Variants in SEMA3E observed in about 807,000 individuals in gnomAD.
SEMA3E encodes the protein semaphorin 3E, also known as semaphorin-3E.
SEMA3E carries 49 observed loss-of-function variants against 93.6 expected under a neutral mutation model. The observed-to-expected ratio is 0.52, with a 90% CI of 0.42 to 0.66. The LOEUF (loss-of-function observed/expected upper bound fraction) is 0.66, where lower values mean the gene tolerates loss of function less well. Among genes scored for constraint, SEMA3E ranks in the 30% least tolerant of loss-of-function variants. The pLI is 0.00. For synonymous variants in SEMA3E, 363 were observed against 330.7 expected (o/e 1.10, Z -1.06); for missense variants, 906 against 964.8 (o/e 0.94, Z 0.81).
chr7:83,513,370 A>G (rs557223087), intron 1 of SEMA3E, among the ~76,000 whole-genome samples: 12 of 152,308 alleles, frequency 7.9e-5, no homozygotes, highest in Admixed American at 2.0e-4. Flanking sequence ...CAAATGCTCC[A>G]CACACAGTTC....
chr7:83,429,653 G>T (rs920196467), intron 4 of SEMA3E, among the ~76,000 whole-genome samples: 1 of 152,146 alleles, frequency 6.6e-6, no homozygotes, highest in Non-Finnish European at 1.5e-5. Context: ...AGAATGGGCA[G>T]CTCAGGCCCT....
rs989772715 is a variant in SEMA3E at position 83,563,186 on chromosome 7, C to T, written c.116-72912G>A. 4.6e-5 allele frequency among the ~76,000 whole-genome samples: 7 copies of T among 152,134 alleles called. 1 individual carries two copies. Among genetic ancestry groups the T allele is most frequent in the South Asian group, 2.1e-4 (1 of 4,820 alleles). On this transcript the variant is annotated intron_variant, in intron 1 of 16. Transcript: ENST00000643230. ...ATCAAGAAGGTTATCACAGATACAGCGTTGATCAACACAGACAAACTCTCT... is the reference window on the plus strand; with the variant it reads ...ATCAAGAAGGTTATCACAGATACAGTGTTGATCAACACAGACAAACTCTCT...
At chr7:83,414,240 T>C (rs1427701860) in intron 5 of SEMA3E, among the ~76,000 whole-genome samples, 3 of 152,156 alleles carry the variant, frequency 2.0e-5, no homozygotes, top group Non-Finnish European at 4.4e-5. Flanking sequence ...ATATTCTAAC[T>C]TCATTTATAA....
chr7:83,604,536 A>G (rs1793066363), intron 1 of SEMA3E, among the ~76,000 whole-genome samples: 1 of 150,318 alleles, frequency 6.7e-6, no homozygotes, highest in Non-Finnish European at 1.5e-5. Flanking sequence ...ATATGTATAT[A>G]TATATATGTA....
At position 83,487,715 on chromosome 7, in the gene SEMA3E, G is replaced by GTGTGTA. The variant is rs756919049; in HGVS notation, c.276+2398_276+2399insTACACA. ...TGTGTGTGTGTGTGTGTGTGTGTGT[G>GTGTGTA]TATTTTATATATATGGAGAGAGAGG... On this transcript the variant is annotated intron_variant, in intron 2 of 16. Transcript: ENST00000643230. Among the ~76,000 whole-genome samples, 967 of 141,804 alleles carry GTGTGTA rather than the reference G, an allele frequency of 6.8e-3. 9 individuals carry two copies. Among genetic ancestry groups the GTGTGTA allele is most frequent in the Non-Finnish European group, 9.9e-3 (634 of 64,280 alleles). 93.0% of individuals were successfully genotyped at this position (141,804 alleles called of 152,430 possible).
intron 1 of SEMA3E, among the ~76,000 whole-genome samples, chr7:83,618,005 C>T (rs556660332): frequency 6.6e-6 from 1 of 152,136 alleles, no homozygotes; most frequent in East Asian, 1.9e-4. Flanking sequence ...ACAAATAAGA[C>T]ATAGCCCTTT....
At chr7:83,499,784 A>C (rs1464573969) in intron 1 of SEMA3E, among the ~76,000 whole-genome samples, 1 of 152,214 alleles carries the variant, frequency 6.6e-6, no homozygotes, top group Non-Finnish European at 1.5e-5. Flanking sequence ...CCAATTTAAC[A>C]ATTAACAGCT....
chr7:83,402,888 ATT>A, intron 9 of SEMA3E, 112 bp from the exon 10 acceptor site: 1 of 1,020,374 alleles, frequency 9.8e-7, no homozygotes, highest in Admixed American at 2.0e-5. Context: ...AGTGGTTGCA[ATT>A]TCTTTAAGCA....
At chr7:83,534,635 G>C (rs1791376271) in intron 1 of SEMA3E, among the ~76,000 whole-genome samples, 1 of 152,126 alleles carries the variant, frequency 6.6e-6, no homozygotes, top group Non-Finnish European at 1.5e-5. Flanking sequence ...TGGCCCATGG[G>C]ACAAAGCAGG....
At chr7:83,557,559 A>T (rs1791944645) in intron 1 of SEMA3E, among the ~76,000 whole-genome samples, 1 of 152,096 alleles carries the variant, frequency 6.6e-6, no homozygotes, top group African/African-American at 2.4e-5. Context: ...AACTAATATT[A>T]GTTATTTGAA....
intron 4 of SEMA3E, among the ~76,000 whole-genome samples, chr7:83,433,065 A>G (rs1788924528): frequency 6.6e-6 from 1 of 152,136 alleles, no homozygotes; most frequent in Non-Finnish European, 1.5e-5. Flanking sequence ...CATATATTGA[A>G]TTTTTAAACA....
chr7:83,567,224 C>T (rs1305590600), intron 1 of SEMA3E, among the ~76,000 whole-genome samples: 1 of 152,058 alleles, frequency 6.6e-6, no homozygotes, highest in African/African-American at 2.4e-5. Context: ...CAATCCTAAA[C>T]GTATATGTGC....
At chr7:83,510,341 C>A (rs1790792008) in intron 1 of SEMA3E, among the ~76,000 whole-genome samples, 1 of 152,100 alleles carries the variant, frequency 6.6e-6, no homozygotes, top group African/African-American at 2.4e-5. Flanking sequence ...CTACCAATTT[C>A]TTTTGGTCTA....
intron 1 of SEMA3E, among the ~76,000 whole-genome samples, chr7:83,525,978 G>A (rs1342588726): frequency 4.6e-5 from 7 of 151,342 alleles, no homozygotes; most frequent in Admixed American, 4.6e-4. Flanking sequence ...AGGAAGTCCA[G>A]CATCAATATA....
chr7:83,529,346 A>G (rs1791234271), intron 1 of SEMA3E, among the ~76,000 whole-genome samples: 1 of 152,118 alleles, frequency 6.6e-6, no homozygotes, highest in Non-Finnish European at 1.5e-5. Flanking sequence ...CTGATTCATG[A>G]AGACATTAAC....
At chr7:83,499,939 C>T (rs1790563609) in intron 1 of SEMA3E, among the ~76,000 whole-genome samples, 1 of 152,130 alleles carries the variant, frequency 6.6e-6, no homozygotes, top group Non-Finnish European at 1.5e-5. Flanking sequence ...CCTATGCACT[C>T]CTATTCAACT....
At chr7:83,422,852 G>A (rs1029408254) in intron 4 of SEMA3E, among the ~76,000 whole-genome samples, 5 of 152,178 alleles carry the variant, frequency 3.3e-5, no homozygotes, top group African/African-American at 1.2e-4. Context: ...AATAGAAAAT[G>A]AAAACTGAAA....
chr7:83,478,505 A>G (rs1250623190), intron 2 of SEMA3E, among the ~76,000 whole-genome samples: 1 of 152,204 alleles, frequency 6.6e-6, no homozygotes, highest in Non-Finnish European at 1.5e-5. Flanking sequence ...GTAATTTTCA[A>G]ATGTGTACAG....
intron 1 of SEMA3E, among the ~76,000 whole-genome samples, chr7:83,507,568 A>G (rs941715501): frequency 1.2e-4 from 18 of 151,834 alleles, no homozygotes; most frequent in Non-Finnish European, 2.1e-4. Flanking sequence ...AAGCAGGGGC[A>G]AGCAGGTGGT....
Sources: allele counts gnomAD v4.1 joint callset (sites outside exome capture counted in the v4.1 genomes callset), GRCh38; gene constraint gnomAD v4.1.1; transcripts MANE v1.5; gene names NCBI Gene and HGNC (gene_info 2026-07-23, HGNC 2026-07-21).